Variants in TMEM71 observed in about 807,000 individuals in gnomAD.
TMEM71 encodes the protein transmembrane protein 71.
In TMEM71, 44 loss-of-function variants were observed where a neutral mutation model predicts 38.0. The ratio of observed to expected loss-of-function variants is 1.16; its 90% confidence interval spans 0.91 to 1.49. TMEM71 has a LOEUF of 1.49. Ranked by LOEUF, TMEM71 falls within the 40% of genes most tolerant of loss-of-function variation. TMEM71 has a pLI of 0.00. For missense variants in TMEM71, 367 were observed against 348.6 expected (o/e 1.05, Z -0.42); for synonymous variants, 133 against 122.5 (o/e 1.09, Z -0.56).
chr8:132,747,156 A>T lies in TMEM71; in HGVS notation c.315-42T>A, dbSNP rs375841329. ...GCATGGTGAACAACGAATAATAGTT[A>T]CCTTTAGTTCAAAACTGTGATTTGA... On this transcript the variant is annotated intron_variant, in intron 4 of 9. Transcript: ENST00000677595. 1.1e-5 allele frequency: 17 copies of T among 1,486,182 alleles called. No individual in the cohort carries two copies. The African/African-American group carries it at 2.4e-4, about 21-fold the overall frequency. The allele number at this position is 1,486,182 out of a possible 1,614,324, so 92.1% of individuals were successfully genotyped here.
At chr8:132,738,990 G>T (rs1436976817) in intron 5 of TMEM71, among the ~76,000 whole-genome samples, 2 of 151,914 alleles carry the variant, frequency 1.3e-5, no homozygotes, top group Admixed American at 1.3e-4. Flanking sequence ...GGCAAAGCTG[G>T]GTGAAGCATA....
chr8:132,730,392 AT>A (rs1827388552), intron 5 of TMEM71, among the ~76,000 whole-genome samples: 1 of 152,236 alleles, frequency 6.6e-6, no homozygotes, highest in Non-Finnish European at 1.5e-5. Context: ...AGCTGCACAG[AT>A]TTCCCCAGAT....
At chr8:132,734,701 A>G (rs558442455) in intron 5 of TMEM71, among the ~76,000 whole-genome samples, 1 of 152,372 alleles carries the variant, frequency 6.6e-6, no homozygotes, top group East Asian at 1.9e-4. Context: ...GATTTAACCC[A>G]AACTCACTTT....
At chr8:132,764,667 C>T (rs192117330), upstream of TMEM71, among the ~76,000 whole-genome samples, 2 of 152,282 alleles carry the variant, frequency 1.3e-5, no homozygotes, top group Non-Finnish European at 2.9e-5. Flanking sequence ...CTTCATCTCC[C>T]ATCTCTTTCT....
Position 132,758,906 on chromosome 8 carries a change from C to T in TMEM71, c.-27G>A, listed in dbSNP as rs749521129. 4 of 1,609,064 alleles carry T rather than the reference C, an allele frequency of 2.5e-6. No individual in the cohort carries two copies. Among genetic ancestry groups the T allele is most frequent in the Admixed American group, 1.7e-5 (1 of 59,904 alleles). Reference sequence around the variant, plus strand: ...TTGGGAAGGCCGCTTGCTCAAACTTCACAGATTCTCTGCAAAAGATGTTAA... The same window carrying T: ...TTGGGAAGGCCGCTTGCTCAAACTTTACAGATTCTCTGCAAAAGATGTTAA... On this transcript the variant is annotated 5_prime_UTR_variant, in exon 2 of 10. Transcript: ENST00000677595.
downstream of TMEM71, among the ~76,000 whole-genome samples, chr8:132,707,716 A>G (rs1826113764): frequency 6.6e-6 from 1 of 152,212 alleles, no homozygotes; most frequent in Admixed American, 6.5e-5. Context: ...TTTAAAAATA[A>G]AGTACACAGT....
chr8:132,746,103 C>A (rs1395084685), intron 5 of TMEM71, among the ~76,000 whole-genome samples: 2 of 149,066 alleles, frequency 1.3e-5, no homozygotes, highest in Middle Eastern at 3.4e-3. Context: ...CATTCATAAC[C>A]CAAACCTCAA....
chr8:132,723,957 C>T (rs2131043541), intron 6 of TMEM71, among the ~76,000 whole-genome samples: 1 of 152,212 alleles, frequency 6.6e-6, no homozygotes, highest in African/African-American at 2.4e-5. Flanking sequence ...GGGGTGACAT[C>T]ACATACTGGT....
intron 7 of TMEM71, among the ~76,000 whole-genome samples, chr8:132,721,506 G>C (rs1017195491): frequency 2.0e-5 from 3 of 151,748 alleles, no homozygotes; most frequent in African/African-American, 7.2e-5. Flanking sequence ...ACGTACACTG[G>C]GTTTTGTATG....
In TMEM71 at chr8:132,751,833, G is replaced by A. The variant is rs1184230363; in HGVS notation, c.266C>T (p.Thr89Ile). The A allele has an allele frequency of 4.3e-6, 7 of 1,613,828 alleles. No individual in the cohort carries two copies. Among genetic ancestry groups the A allele is most frequent in the Non-Finnish European group, 5.1e-6 (6 of 1,180,042 alleles). ...AACGCTGGTCTGGGATGGGTTCAGAGTTATGTTGCCATCTTTGTCGCACAG... is the reference window on the plus strand; with the variant it reads ...AACGCTGGTCTGGGATGGGTTCAGAATTATGTTGCCATCTTTGTCGCACAG... ...SFLCDKDGNI[T>I]LNPSQTSVMY... is the part of the protein sequence containing the mutation. The change falls in exon 4 of 10, where the codon ACT (threonine) becomes ATT (isoleucine). Residue 89 changes from threonine to isoleucine, a missense_variant. Coordinates refer to ENST00000677595, the MANE Select transcript of TMEM71 (RefSeq NM_001382403.1).
intron 5 of TMEM71, among the ~76,000 whole-genome samples, chr8:132,734,209 C>T (rs966899054): frequency 3.9e-5 from 6 of 151,998 alleles, no homozygotes; most frequent in Admixed American, 2.0e-4. Flanking sequence ...GAGACACAGG[C>T]ACCTTTGGGA....
upstream of TMEM71, among the ~76,000 whole-genome samples, chr8:132,765,276 C>T (rs1829350588): frequency 6.6e-6 from 1 of 152,178 alleles, no homozygotes; most frequent in Non-Finnish European, 1.5e-5. Context: ...TTTGGAAGGT[C>T]CCCGAAAGTT....
chr8:132,707,012 A>G (rs778811433), downstream of TMEM71, among the ~76,000 whole-genome samples: 33 of 152,336 alleles, frequency 2.2e-4, no homozygotes, highest in Admixed American at 7.8e-4. Context: ...ACAGAAGACT[A>G]AGGAAGACAT....
chr8:132,749,318 A>C (rs756973185), intron 4 of TMEM71, among the ~76,000 whole-genome samples: 4 of 152,198 alleles, frequency 2.6e-5, no homozygotes, highest in Non-Finnish European at 4.4e-5. Flanking sequence ...CAAGAGGAAC[A>C]ATTCAAAATA....
At chr8:132,754,497 T>C (rs1452402260) in intron 3 of TMEM71, among the ~76,000 whole-genome samples, 1 of 152,220 alleles carries the variant, frequency 6.6e-6, no homozygotes, top group African/African-American at 2.4e-5. Context: ...CTCCAAGGTT[T>C]AGTTGTTGTT....
chr8:132,733,661 G>A (rs1221985096), intron 5 of TMEM71, among the ~76,000 whole-genome samples: 1 of 152,184 alleles, frequency 6.6e-6, no homozygotes, highest in Non-Finnish European at 1.5e-5. Context: ...GAAACACGCA[G>A]ATCATCCAAT....
chr8:132,732,325 G>C (rs924501088), intron 5 of TMEM71, among the ~76,000 whole-genome samples: 2 of 152,118 alleles, frequency 1.3e-5, no homozygotes, highest in African/African-American at 4.8e-5. Context: ...GAGACAGCAG[G>C]AAGAGGACAG....
In TMEM71 at chr8:132,745,444, A is replaced by T. The variant is rs190221069; in HGVS notation, c.487+1498T>A. The stretch of plus-strand genomic sequence containing the variant: ...GAAAAAATGTTCATCATCACTAATC[A>T]TAGAAATGCAAATCAAAAGCACAAT... On this transcript the variant is annotated intron_variant, in intron 5 of 9. Coordinates refer to ENST00000677595, the MANE Select transcript of TMEM71 (RefSeq NM_001382403.1). Among the ~76,000 whole-genome samples the T allele has an allele frequency of 2.4e-4, 37 of 152,346 alleles. No individual in the cohort carries two copies. The East Asian group carries it at 4.6e-3, about 19-fold the overall frequency.
At chr8:132,721,552 CTT>C (rs546825682) in intron 7 of TMEM71, among the ~76,000 whole-genome samples, 9 of 134,046 alleles carry the variant, frequency 6.7e-5, no homozygotes, top group Non-Finnish European at 9.8e-5. Flanking sequence ...TTTTTTTTGT[CTT>C]TTTTTTTTTT....
Sources: allele counts gnomAD v4.1 joint callset (sites outside exome capture counted in the v4.1 genomes callset), GRCh38; gene constraint gnomAD v4.1.1; transcripts MANE v1.5; gene names NCBI Gene and HGNC (gene_info 2026-07-23, HGNC 2026-07-21).